The following TRPV4 variants were observed in gnomAD, a reference collection of about 807,000 sequenced individuals.
The protein encoded by TRPV4 is OSM9-like transient receptor potential channel 4.
TRPV4 carries 58 observed loss-of-function variants against 84.1 expected under a neutral mutation model. The observed-to-expected ratio is 0.69, with a 90% confidence interval of 0.56 to 0.86. The LOEUF (loss-of-function observed/expected upper bound fraction) is 0.86. TRPV4 is among the 40% of genes least tolerant of loss of function. TRPV4 has a pLI of 0.00. For missense variants in TRPV4, 879 were observed against 1,181.1 expected (o/e 0.74, Z 3.75); for synonymous variants, 489 against 500.9 (o/e 0.98, Z 0.32).
At position 109,792,809 on chromosome 12, in the gene TRPV4, T is replaced by G. The variant is rs1283175281; in HGVS notation, c.1667A>C (p.Tyr556Ser). ...TGCTGAGACGATCACCAGGACAGAGTAGATGAAGCTGCAGTGCAGCAGAGA... is the reference window on the plus strand; with the variant it reads ...TGCTGAGACGATCACCAGGACAGAGGAGATGAAGCTGCAGTGCAGCAGAGA... The part of the protein sequence containing the change: ...DGSFQLLYFI[Y>S]SVLVIVSAAL... The change falls in exon 11 of 16, where the codon TAC becomes TCC. Residue 556 changes from tyrosine (Y) to serine (S), a missense_variant. This residue lies in a region of TRPV4 where 521 missense variants were observed against 686.6 expected (regional missense o/e 0.76). Transcript: ENST00000261740. 2 of 1,612,860 alleles carry G rather than the reference T, an allele frequency of 1.2e-6. No homozygotes were observed. The highest frequency in any genetic ancestry group is 1.7e-6 in the Non-Finnish European group (2 of 1,179,822).
intron 3 of TRPV4, among the ~76,000 whole-genome samples, chr12:109,803,495 G>T (rs1242360799): frequency 1.3e-5 from 2 of 152,024 alleles, no homozygotes; most frequent in African/African-American, 4.8e-5. Flanking sequence ...CTGTCATCCA[G>T]CCTGGGGTAT....
chr12:109,796,765 C>T lies in TRPV4; in HGVS notation c.1153-61G>A. 4 of 1,539,492 alleles carry T rather than the reference C, an allele frequency of 2.6e-6. No individual in the cohort carries two copies. The highest frequency in any genetic ancestry group is 3.5e-6 in the Non-Finnish European group (4 of 1,139,626). On this transcript the variant is annotated intron_variant, in intron 6 of 15. Transcript: ENST00000261740. This position sits in a 1 kb window ranked among gnomAD's most constrained non-coding sequence, Gnocchi z 4.2. The stretch of plus-strand genomic sequence containing the variant: ...CTGGAAAGACCCCCAGGGCTGGGCC[C>T]AGCTCAGCACATGACGCCTCCCCAG...
rs911270245 is a variant in TRPV4, at chr12:109,786,961, C to G, written c.2209-124G>C. ...GAACTAGGCATTTAGACTCCTACTC[C>G]CCACTAGACACAGGGTTTATAAACT... On this transcript the variant is annotated intron_variant, in intron 13 of 15. Transcript: ENST00000261740. This position sits in a 1 kb window ranked among gnomAD's most constrained non-coding sequence, Gnocchi z 4.5. The G allele has an allele frequency of 2.3e-6, 3 of 1,332,170 alleles. No individual in the cohort carries two copies. In the African/African-American group the frequency reaches 4.3e-5, roughly 19 times the overall value. 82.5% of individuals were successfully genotyped at this position (1,332,170 alleles called of 1,614,324 possible).
At position 109,796,876 on chromosome 12, in the gene TRPV4, A is replaced by G. The variant is rs1890437189; in HGVS notation, c.1153-172T>C. The stretch of plus-strand genomic sequence containing the variant: ...TATTATCTTGGTTTACAGATAAAGA[A>G]TGGAGGCTGGGAAAAACGAAGGGTG... On this transcript the variant is annotated intron_variant, in intron 6 of 15. Coordinates refer to ENST00000261740, the MANE Select transcript of TRPV4 (RefSeq NM_021625.5). This position sits in a 1 kb window ranked among gnomAD's most constrained non-coding sequence, Gnocchi z 4.2. Among the ~76,000 whole-genome samples, 1 of 152,208 alleles carries G rather than the reference A, an allele frequency of 6.6e-6. No homozygotes were observed. The highest frequency in any genetic ancestry group is 2.4e-5 in the African/African-American group (1 of 41,456).
intron 7 of TRPV4, among the ~76,000 whole-genome samples, chr12:109,795,879 C>G (rs1427761411): frequency 6.6e-6 from 1 of 152,022 alleles, no homozygotes; most frequent in Admixed American, 6.6e-5. Flanking sequence ...TCCCAAGTAG[C>G]TGGGACTACA....
In TRPV4 at chr12:109,800,600, C is replaced by A; in HGVS notation, c.853+18G>T. 1 of 1,614,118 alleles carries A rather than the reference C, an allele frequency of 6.2e-7. No homozygotes were observed. Among genetic ancestry groups the A allele is most frequent in the Non-Finnish European group, 8.5e-7 (1 of 1,180,012 alleles). On this transcript the variant is annotated intron_variant, in intron 5 of 15. Transcript: ENST00000261740. The stretch of plus-strand genomic sequence containing the variant: ...GCTTCTCCAGCATGCTGTCAGCCCC[C>A]ACCAGGCCCCTCCTTACCAAAGTAG...
chr12:109,788,761 A>G, intron 12 of TRPV4, 45 bp from the exon 13 acceptor site: 1 of 1,599,474 alleles, frequency 6.3e-7, no homozygotes, highest in Non-Finnish European at 8.6e-7. Flanking sequence ...GAGCACACCC[A>G]CAGAGAGGTG....
At chr12:109,830,650 T>G (rs61002850) in intron 1 of TRPV4, among the ~76,000 whole-genome samples, 3,793 of 152,278 alleles carry the variant, frequency 0.025, 157 homozygotes, top group African/African-American at 0.086. Context: ...AGCTGTTACC[T>G]GGGTCCCTAT....
intron 3 of TRPV4, 44 bp downstream of exon 3, chr12:109,808,252 C>T (rs778331715): frequency 6.2e-7 from 1 of 1,609,938 alleles, no homozygotes; most frequent in East Asian, 2.2e-5. Context: ...GCTTCCCCCA[C>T]ACCCCTGGCT....
At chr12:109,800,412 T>TC (rs1555208000) in intron 5 of TRPV4, among the ~76,000 whole-genome samples, 2 of 151,626 alleles carry the variant, frequency 1.3e-5, no homozygotes, top group South Asian at 2.1e-4. Context: ...TCCATGGTAC[T>TC]CCCCATGGCA....
In TRPV4 at chr12:109,815,023, T is replaced by C; in HGVS notation, c.-31-196A>G. On this transcript the variant is annotated intron_variant, in intron 1 of 15. Transcript: ENST00000261740. This position sits in a 1 kb window ranked among gnomAD's most constrained non-coding sequence, Gnocchi z 4.1. ...GCGGGAACTGCAACAGGAGCCTCTTTCACGAACCTGGAAACACAAATTGGC... is the reference window on the plus strand; with the variant it reads ...GCGGGAACTGCAACAGGAGCCTCTTCCACGAACCTGGAAACACAAATTGGC... The C allele has an allele frequency of 1.7e-6, 1 of 597,704 alleles. No homozygotes were observed. Among genetic ancestry groups the C allele is most frequent in the Non-Finnish European group, 3.0e-6 (1 of 337,062 alleles). 37.0% of individuals were successfully genotyped at this position (597,704 alleles called of 1,614,324 possible).
rs914236668 is a variant in TRPV4 at position 109,788,801 on chromosome 12, A to G, written c.1892-85T>C. ...GTGTCATTCTCATTTGCTGGAGGAGAAAGCTGAGGCCTAGTGAGCGGAGCA... is the reference window on the plus strand; with the variant it reads ...GTGTCATTCTCATTTGCTGGAGGAGGAAGCTGAGGCCTAGTGAGCGGAGCA... On this transcript the variant is annotated intron_variant, in intron 12 of 15. Transcript: ENST00000261740. 2.0e-6 allele frequency: 3 copies of G among 1,518,208 alleles called. No homozygotes were observed. In the African/African-American group the frequency reaches 4.1e-5, roughly 21 times the overall value. The allele number at this position is 1,518,208 out of a possible 1,614,324, so 94.0% of individuals were successfully genotyped here.
chr12:109,789,660 TGAA>T (rs1405664129), intron 12 of TRPV4, among the ~76,000 whole-genome samples: 1 of 152,192 alleles, frequency 6.6e-6, no homozygotes, highest in African/African-American at 2.4e-5. Context: ...GAGGGGAGCA[TGAA>T]GAAGACTCAG....
chr12:109,794,592 T>G (rs1890273511), intron 7 of TRPV4, 105 bp from the exon 8 acceptor site: 2 of 1,222,994 alleles, frequency 1.6e-6, no homozygotes, highest in South Asian at 2.4e-5. Context: ...GGACAGCGCT[T>G]TCTCTTTCCA....
chr12:109,789,549 C>A (rs1889907196), intron 12 of TRPV4, among the ~76,000 whole-genome samples: 2 of 152,286 alleles, frequency 1.3e-5, no homozygotes, highest in African/African-American at 4.8e-5. Flanking sequence ...CTAGACATCT[C>A]AAACTCATCA....
intron 1 of TRPV4, among the ~76,000 whole-genome samples, chr12:109,823,137 G>C (rs1892155832): frequency 1.3e-5 from 2 of 152,182 alleles, no homozygotes; most frequent in Non-Finnish European, 2.9e-5. Context: ...CAGGCACTTG[G>C]CAGGCGGCAG....
intron 5 of TRPV4, among the ~76,000 whole-genome samples, chr12:109,799,747 C>CA (rs1565871770): frequency 6.6e-6 from 1 of 151,086 alleles, no homozygotes; most frequent in African/African-American, 2.4e-5. Context: ...GAGGATTTGG[C>CA]TTTTTTTTTG....
chr12:109,799,743 T>G (rs1890653382), intron 5 of TRPV4, among the ~76,000 whole-genome samples: 3 of 151,964 alleles, frequency 2.0e-5, no homozygotes, highest in Admixed American at 2.0e-4. Context: ...GAGTGAGGAT[T>G]TGGCTTTTTT....
rs2136409208 is a variant in TRPV4 at position 109,783,141 on chromosome 12, G to A, written c.*480C>T. 6.1e-6 allele frequency: 1 copy of A among 163,612 alleles called. No individual in the cohort carries two copies. The highest frequency in any genetic ancestry group is 1.8e-4 in the South Asian group (1 of 5,610). The allele number at this position is 163,612 out of a possible 1,614,324, so 10.1% of individuals were successfully genotyped here. ...GCACCGGCAAATCCCAGACACTACA[G>A]AACACACAGAAGGCATGGCCCCACG... On this transcript the variant is annotated 3_prime_UTR_variant, in exon 16 of 16. Transcript: ENST00000261740. The surrounding 1 kb of genome is among the most constrained non-coding windows in gnomAD (Gnocchi z 4.6).
Sources: allele counts gnomAD v4.1 joint callset (sites outside exome capture counted in the v4.1 genomes callset), GRCh38; gene constraint gnomAD v4.1.1; regional missense constraint gnomAD v4.1.1; non-coding constraint Gnocchi (gnomAD v3.1); transcripts MANE v1.5; gene names NCBI Gene and HGNC (gene_info 2026-07-23, HGNC 2026-07-21).